Variants in PWWP2A observed in about 807,000 individuals in gnomAD.
PWWP2A encodes the protein PWWP domain-containing protein 2A.
In PWWP2A, 18 loss-of-function variants were observed where a neutral mutation model predicts 48.5. That is an observed-to-expected ratio of 0.37 (90% CI 0.26 to 0.55). The LOEUF is 0.55. PWWP2A is among the 20% of genes least tolerant of loss of function. The probability of loss-of-function intolerance (pLI) is 0.81; values close to 1 mark genes in which losing one functional copy is unlikely to be tolerated. For synonymous variants in PWWP2A, 396 were observed against 387.7 expected, an observed-to-expected ratio of 1.02 and a Z score of -0.25; for missense variants, 867 against 976.4, an observed-to-expected ratio of 0.89 and a Z score of 1.49.
At chr5:160,088,986 T>C (rs898359679), downstream of PWWP2A, among the ~76,000 whole-genome samples, 7 of 152,240 alleles carry the variant, frequency 4.6e-5, no homozygotes, top group African/African-American at 1.7e-4. Flanking sequence ...CTAGTGAAGA[T>C]ATATTCATTT....
chr5:160,090,478 GA>G (rs2113515493), downstream of PWWP2A: 2 of 981,936 alleles, frequency 2.0e-6, no homozygotes, highest in Non-Finnish European at 2.4e-6. Context: ...GAATTTCAAA[GA>G]ATTTTTTTTT....
In PWWP2A at chr5:160,119,015, G is replaced by T; in HGVS notation, c.374C>A (p.Pro125Gln). The T allele has an allele frequency of 6.3e-7, 1 of 1,597,134 alleles. No homozygotes were observed. Among genetic ancestry groups the T allele is most frequent in the Non-Finnish European group, 8.5e-7 (1 of 1,175,124 alleles). ...CGGCTCCTCGCGCTCCTCGGGAGCC[G>T]GGGGCTGCTCCGGCGGCGATGCAGG... ...PSPASPPEQPPAPEEREEPPL... is the reference protein window; with the variant it reads ...PSPASPPEQPQAPEEREEPPL... Residue 125 changes from proline (P) to glutamine (Q), a missense_variant, in exon 1 of 2, where the codon CCG becomes CAG. Around this residue, in one of 4 missense-constraint regions of PWWP2A, gnomAD observed 385 missense variants for 396.9 expected, o/e 0.97. Transcript: ENST00000307063.
intron 2 of PWWP2A, among the ~76,000 whole-genome samples, chr5:160,069,638 A>G (rs568287981): frequency 6.6e-6 from 1 of 152,238 alleles, no homozygotes. Flanking sequence ...CCAAGGCGGG[A>G]GGATCACTTG....
In PWWP2A at chr5:160,093,806, A is replaced by G; in HGVS notation, c.844T>C (p.Tyr282His). ...YPPPLFIRDT[Y>H]NQSIPQPPPR... ...GGTGGCTGAGGTATTGATTGGTTAT[A>G]TGTGTCCCTGATAAACAAAGGGGGA... is the stretch of plus-strand genomic sequence containing the variant. Residue 282 changes from tyrosine to histidine, a missense_variant, in exon 2 of 2, where the codon TAT becomes CAT. Tyr to His is a moderately conservative substitution (Grantham distance 83). Transcript: ENST00000307063. The surrounding 1 kb of genome is among the most constrained non-coding windows in gnomAD (Gnocchi z 5.8). 6.2e-7 allele frequency: 1 copy of G among 1,613,978 alleles called. No individual in the cohort carries two copies. The highest frequency in any genetic ancestry group is 8.5e-7 in the Non-Finnish European group (1 of 1,179,878).
downstream of PWWP2A, chr5:160,089,657 G>A: frequency 7.8e-7 from 1 of 1,285,150 alleles, no homozygotes; most frequent in Non-Finnish European, 1.0e-6. Context: ...ACATTTCTGA[G>A]AATTTCCAGA....
chr5:160,098,355 A>C (rs1423167283), intron 1 of PWWP2A, among the ~76,000 whole-genome samples: 1 of 152,210 alleles, frequency 6.6e-6, no homozygotes, highest in Admixed American at 6.5e-5. Context: ...CAAAGCGGAA[A>C]AATATTTCAA....
chr5:160,082,500 T>A (rs1754318373), intron 2 of PWWP2A, among the ~76,000 whole-genome samples: 1 of 152,150 alleles, frequency 6.6e-6, no homozygotes, highest in African/African-American at 2.4e-5. Context: ...GTAAAACTTG[T>A]TAGGTTTCAA....
downstream of PWWP2A, among the ~76,000 whole-genome samples, chr5:160,057,679 A>G (rs1292118186): frequency 2.0e-5 from 3 of 152,136 alleles, no homozygotes; most frequent in African/African-American, 7.2e-5. The surrounding 1 kb of genome is among the most constrained non-coding windows in gnomAD (Gnocchi z 4.4). Flanking sequence ...ATAGCATTTT[A>G]CCCACAATAG....
intron 2 of PWWP2A, among the ~76,000 whole-genome samples, chr5:160,070,105 A>C (rs1003042779): frequency 6.6e-6 from 1 of 152,050 alleles, no homozygotes; most frequent in Non-Finnish European, 1.5e-5. Context: ...TGCACTGTGG[A>C]TTCATTCTTT....
At chr5:160,091,217 CCT>C (rs1397415552), downstream of PWWP2A, 1 of 969,304 alleles carries the variant, frequency 1.0e-6, no homozygotes, top group African/African-American at 1.8e-5. Context: ...TAATATATTC[CCT>C]GATAGGGCAA....
chr5:160,076,180 A>G (rs544399022), exon 4 of PWWP2A: 18 of 152,262 alleles, frequency 1.2e-4, no homozygotes, highest in African/African-American at 4.3e-4. Flanking sequence ...AGAATATGCC[A>G]TGAGAAAAAA....
chr5:160,080,811 G>A (rs752267343), intron 2 of PWWP2A: 29 of 1,471,258 alleles, frequency 2.0e-5, no homozygotes, highest in Admixed American at 9.5e-5. Flanking sequence ...TAAAGCATTC[G>A]AGTTTTTTAA....
chr5:160,053,650 CAG>C, the PWWP2A span, among the ~76,000 whole-genome samples: 1 of 152,150 alleles, frequency 6.6e-6, no homozygotes, highest in African/African-American at 2.4e-5. Context: ...CTTTAGCTTT[CAG>C]AGTCTTTTGT....
downstream of PWWP2A, among the ~76,000 whole-genome samples, chr5:160,071,666 G>C (rs1020783122): frequency 6.6e-6 from 1 of 152,118 alleles, no homozygotes; most frequent in Non-Finnish European, 1.5e-5. Context: ...CGTTTCCTCT[G>C]CTTGTTATCT....
intron 4 of PWWP2A, among the ~76,000 whole-genome samples, chr5:160,066,145 G>C (rs1443876981): frequency 6.6e-6 from 1 of 152,010 alleles, no homozygotes; most frequent in Non-Finnish European, 1.5e-5. Flanking sequence ...AACCTCAGAA[G>C]AAACTGTTAA....
rs745454107 is a variant in PWWP2A at position 160,118,291 on chromosome 5, AT to A, written c.584+513del. On this transcript the variant is annotated intron_variant, in intron 1 of 1. Coordinates refer to ENST00000307063, the MANE Select transcript of PWWP2A (RefSeq NM_001130864.2). ...ACAGTTAAAAGGTTCATTTTAACAA[AT>A]GCTCTTCCCCCTGTAAGGAGTGACA... Among the ~76,000 whole-genome samples the A allele has an allele frequency of 2.6e-4, 39 of 152,206 alleles. 1 individual carries two copies. Among genetic ancestry groups the A allele is most frequent in the Non-Finnish European group, 1.2e-4 (8 of 68,046 alleles).
intron 1 of PWWP2A, among the ~76,000 whole-genome samples, chr5:160,107,808 G>A (rs1757050057): frequency 6.6e-6 from 1 of 151,996 alleles, no homozygotes; most frequent in African/African-American, 2.4e-5. Context: ...CAAGAGCAGC[G>A]TGGCCAATAT....
rs367544657 is a variant in PWWP2A, at chr5:160,084,972, T to TA, written c.1550-4203dup. Among the ~76,000 whole-genome samples, 877 of 143,960 alleles carry TA rather than the reference T, an allele frequency of 6.1e-3. 10 individuals are homozygous for TA. The highest frequency in any genetic ancestry group is 0.06 in the East Asian group (302 of 4,994). The allele number at this position is 143,960 out of a possible 152,430, so 94.4% of individuals were successfully genotyped here. On this transcript the variant is annotated intron_variant, in intron 2 of 3. Transcript: ENST00000456329. ...AAGGGTACAAAATTACCTTAAATAG[T>TA]AAAAAAAAAAAGAAAAAGAAAAACA...
At chr5:160,054,649 A>G in the PWWP2A span, among the ~76,000 whole-genome samples, 1 of 152,110 alleles carries the variant, frequency 6.6e-6, no homozygotes, top group Non-Finnish European at 1.5e-5. Context: ...ATGTGAAACC[A>G]CAATATAGAA....
Sources: gnomAD v4.1 joint callset for allele counts (sites outside exome capture counted in the v4.1 genomes callset) on GRCh38, gnomAD v4.1.1 for gene constraint, gnomAD v4.1.1 regional missense constraint, Gnocchi (gnomAD v3.1) non-coding constraint, MANE v1.5 for transcripts, NCBI Gene and HGNC (gene_info 2026-07-23, HGNC 2026-07-21) for gene names.